The following GPHN variants were observed in gnomAD, a reference collection of about 807,000 sequenced individuals.
GPHN encodes gephyrin.
In GPHN, 17 loss-of-function variants were observed where a neutral mutation model predicts 95.5. The ratio of observed to expected loss-of-function variants is 0.18; its 90% confidence interval spans 0.12 to 0.27. The LOEUF (loss-of-function observed/expected upper bound fraction) is 0.27. Ranked by LOEUF, GPHN falls within the 10% of genes least tolerant of loss-of-function variation. The pLI is 1.00. For missense variants in GPHN, 660 were observed against 978.1 expected (o/e 0.67, Z 4.34); for synonymous variants, 320 against 322.5 (o/e 0.99, Z 0.08).
the GPHN span, among the ~76,000 whole-genome samples, chr14:67,707,771 A>G: frequency 6.6e-6 from 1 of 152,218 alleles, no homozygotes; most frequent in African/African-American, 2.4e-5. Context: ...TCAAATACCT[A>G]TGAATTGAGT....
chr14:67,291,516 C>T, the GPHN span, among the ~76,000 whole-genome samples: 51 of 152,112 alleles, frequency 3.4e-4, no homozygotes, highest in African/African-American at 1.2e-3. Flanking sequence ...AACTCCTGAC[C>T]TCATGATCTA....
chr14:67,497,794 T>G, the GPHN span, among the ~76,000 whole-genome samples: 1 of 151,944 alleles, frequency 6.6e-6, no homozygotes, highest in Non-Finnish European at 1.5e-5. Context: ...TCTCCTGGTA[T>G]TTGAGTCACC....
the GPHN span, among the ~76,000 whole-genome samples, chr14:67,439,538 T>TTTC: frequency 4.7e-5 from 2 of 42,544 alleles, no homozygotes; most frequent in Non-Finnish European, 8.4e-5. Flanking sequence ...CAATAGTTTC[T>TTTC]TTCTTTCTTT....
At chr14:66,947,172 T>C (rs2067808277) in intron 8 of GPHN, among the ~76,000 whole-genome samples, 1 of 152,192 alleles carries the variant, frequency 6.6e-6, no homozygotes, top group Non-Finnish European at 1.5e-5. Flanking sequence ...CTAAGCTCCA[T>C]ATAGCTTTTT....
At chr14:67,250,677 C>T in the GPHN span, among the ~76,000 whole-genome samples, 4 of 152,134 alleles carry the variant, frequency 2.6e-5, no homozygotes, top group Non-Finnish European at 4.4e-5. Context: ...GGTGATTCAT[C>T]GACTGTATAA....
intron 3 of GPHN, chr14:66,823,417 C>T (rs189964941): frequency 9.2e-5 from 14 of 152,080 alleles, no homozygotes; most frequent in Non-Finnish European, 1.5e-5. Flanking sequence ...TTTATGAAAC[C>T]ACTTTATAAG....
the GPHN span, among the ~76,000 whole-genome samples, chr14:67,256,797 G>GACACAC: frequency 4.4e-3 from 652 of 147,782 alleles, 4 homozygotes; most frequent in African/African-American, 0.013. Flanking sequence ...AGAAACTATT[G>GACACAC]ACACACACAC....
chr14:67,633,674 T>G, the GPHN span, among the ~76,000 whole-genome samples: 1 of 152,230 alleles, frequency 6.6e-6, no homozygotes. Flanking sequence ...TTTGTCTTCC[T>G]GGCTTAGAAA....
At chr14:67,312,415 TA>T in the GPHN span, 1 of 733,156 alleles carries the variant, frequency 1.4e-6, no homozygotes, top group Non-Finnish European at 2.0e-6. Flanking sequence ...CTGTCTCTAT[TA>T]AATTTTTTTA....
intron 11 of GPHN, among the ~76,000 whole-genome samples, chr14:67,062,618 A>T (rs1237758557): frequency 2.6e-5 from 4 of 152,344 alleles, no homozygotes; most frequent in Admixed American, 1.3e-4. Flanking sequence ...TTCAGAGTAT[A>T]GTACATGAAA....
the GPHN span, among the ~76,000 whole-genome samples, chr14:67,323,232 C>CATGTGTGT: frequency 9.0e-4 from 129 of 143,618 alleles, no homozygotes; most frequent in African/African-American, 3.2e-3. Context: ...CATATATACA[C>CATGTGTGT]GTGTGTGTGT....
intron 1 of GPHN, among the ~76,000 whole-genome samples, chr14:66,619,774 A>T (rs1200171655): frequency 6.6e-6 from 1 of 151,938 alleles, no homozygotes; most frequent in East Asian, 1.9e-4. Context: ...ATTTAATTTT[A>T]TTTTCCATTT....
At chr14:67,600,269 G>A in the GPHN span, 145 of 1,350,152 alleles carry the variant, frequency 1.1e-4, no homozygotes, top group Non-Finnish European at 5.9e-5. Flanking sequence ...TGGCCGTCTC[G>A]CCCGCTCCAG....
At chr14:67,506,614 G>A in the GPHN span, among the ~76,000 whole-genome samples, 2 of 152,124 alleles carry the variant, frequency 1.3e-5, no homozygotes, top group Non-Finnish European at 2.9e-5. Flanking sequence ...GGTTCAGTGG[G>A]AACTCATTTG....
the GPHN span, among the ~76,000 whole-genome samples, chr14:67,663,473 A>C: frequency 6.6e-6 from 1 of 152,038 alleles, no homozygotes; most frequent in African/African-American, 2.4e-5. Context: ...GGAGATCGAG[A>C]CCATCCTGCC....
At chr14:66,778,654 A>G (rs1033971812) in intron 3 of GPHN, among the ~76,000 whole-genome samples, 10 of 151,368 alleles carry the variant, frequency 6.6e-5, no homozygotes, top group African/African-American at 2.4e-4. Flanking sequence ...AGTTCACTAA[A>G]TTCAAATCTT....
chr14:66,604,962 G>A lies in GPHN; in HGVS notation c.65-76145G>A, dbSNP rs181421460. Among the ~76,000 whole-genome samples, 28 of 149,824 alleles carry A rather than the reference G, an allele frequency of 1.9e-4. 1 individual carries two copies. In the East Asian group the frequency reaches 4.4e-3, roughly 23 times the overall value. Reference sequence around the variant, plus strand: ...TTACAAGTGAGAACATACAGTATTTGGTTTTCTGTTCCTGTGTTAATTAGG... The same window carrying A: ...TTACAAGTGAGAACATACAGTATTTAGTTTTCTGTTCCTGTGTTAATTAGG... On this transcript the variant is annotated intron_variant, in intron 1 of 22. Coordinates refer to ENST00000478722, the MANE Select transcript of GPHN (RefSeq NM_020806.5).
At chr14:66,946,633 G>A (rs759179978) in intron 8 of GPHN, among the ~76,000 whole-genome samples, 14 of 152,212 alleles carry the variant, frequency 9.2e-5, no homozygotes, top group African/African-American at 3.1e-4. Context: ...TCGAACTCCT[G>A]ACCTCATGAT....
chr14:66,560,716 A>G (rs540331970), intron 1 of GPHN, among the ~76,000 whole-genome samples: 4 of 152,230 alleles, frequency 2.6e-5, no homozygotes, highest in Admixed American at 2.6e-4. Flanking sequence ...CTCTTTTCCT[A>G]ATTGAATACC....
Sources: allele counts gnomAD v4.1 joint callset (sites outside exome capture counted in the v4.1 genomes callset), GRCh38; gene constraint gnomAD v4.1.1; transcripts MANE v1.5; gene names NCBI Gene and HGNC (gene_info 2026-07-23, HGNC 2026-07-21).